Variants in RPL27A observed in about 807,000 individuals in gnomAD.
The protein encoded by RPL27A is ribosomal protein L27a.
For synonymous variants in RPL27A, 69 were observed against 68.3 expected, an observed-to-expected ratio of 1.01 and a Z score of -0.05; for missense variants, 118 against 189.4, an observed-to-expected ratio of 0.62 and a Z score of 2.21.
chr11:8,684,670 A>T, intron 3 of RPL27A, 48 bp from the exon 4 acceptor site: 1 of 1,517,442 alleles, frequency 6.6e-7, no homozygotes, highest in Non-Finnish European at 9.1e-7. Context: ...TGATAAACAT[A>T]GCATCTTAAT....
chr11:8,683,398 T>C, intron 2 of RPL27A, 133 bp downstream of exon 2: 1 of 721,170 alleles, frequency 1.4e-6, no homozygotes, highest in Non-Finnish European at 2.4e-6. Flanking sequence ...TTGATTTTTT[T>C]CTGACGATCC....
In RPL27A at chr11:8,689,129, G is replaced by C. The variant is rs75005003; in HGVS notation, c.*3323G>C. ...GCAGATAACTCCCCTGGAGAGGCGGGATGTTCAACTCCACCCCTGGTCCTT... is the reference window on the plus strand; with the variant it reads ...GCAGATAACTCCCCTGGAGAGGCGGCATGTTCAACTCCACCCCTGGTCCTT... On this transcript the variant is annotated 3_prime_UTR_variant, in exon 5 of 5. Coordinates refer to ENST00000314138, the MANE Select transcript of RPL27A (RefSeq NM_000990.5). 1.3e-5 allele frequency: 2 copies of C among 152,392 alleles called. No homozygotes were observed. The highest frequency in any genetic ancestry group is 1.3e-4 in the Admixed American group (2 of 15,306). 9.4% of individuals were successfully genotyped at this position (152,392 alleles called of 1,614,324 possible).
In RPL27A at chr11:8,689,802, T is replaced by G. The variant is rs543499117; in HGVS notation, c.*3996T>G. 1 of 152,354 alleles carries G rather than the reference T, an allele frequency of 6.6e-6. No homozygotes were observed. The highest frequency in any genetic ancestry group is 1.9e-4 in the East Asian group (1 of 5,192). The allele number at this position is 152,354 out of a possible 1,614,324, so 9.4% of individuals were successfully genotyped here. Reference sequence around the variant, plus strand: ...AAATAACCTAGTTTGTGTATCCCTGTAAGTCATTTTGGTATAAAGTAGGTT... The same window carrying G: ...AAATAACCTAGTTTGTGTATCCCTGGAAGTCATTTTGGTATAAAGTAGGTT... On this transcript the variant is annotated 3_prime_UTR_variant, in exon 5 of 5. Transcript: ENST00000314138.
intron 3 of RPL27A, 114 bp from the exon 4 acceptor site, chr11:8,684,604 A>T: frequency 1.1e-6 from 1 of 879,414 alleles, no homozygotes. Flanking sequence ...TATGCCTGAC[A>T]CTGCTCTACA....
At chr11:8,684,157 GT>G in intron 3 of RPL27A, 76 bp downstream of exon 3, 1 of 1,231,782 alleles carries the variant, frequency 8.1e-7, no homozygotes, top group Non-Finnish European at 1.2e-6. Flanking sequence ...TAAACAAAAA[GT>G]TTAGAAGCAA....
At chr11:8,685,438 T>C (rs1377897423) in intron 4 of RPL27A, 1 of 676,684 alleles carries the variant, frequency 1.5e-6, no homozygotes, top group Non-Finnish European at 2.8e-6. Context: ...GCTTATGCTT[T>C]GCCGAGACTA....
At chr11:8,684,393 AT>A (rs1178193563) in intron 3 of RPL27A, 1 of 718,062 alleles carries the variant, frequency 1.4e-6, no homozygotes, top group East Asian at 2.7e-5. Context: ...TGGATGATAA[AT>A]TTTGGCTATT....
chr11:8,683,026 C>A, intron 1 of RPL27A, 176 bp from the exon 2 acceptor site: 1 of 842,084 alleles, frequency 1.2e-6, no homozygotes, highest in Non-Finnish European at 1.9e-6. Flanking sequence ...GACACGCGGG[C>A]CCCTGCGCTA....
chr11:8,682,972 G>A, intron 1 of RPL27A, 156 bp downstream of exon 1: 2 of 1,067,194 alleles, frequency 1.9e-6, no homozygotes, highest in Non-Finnish European at 1.4e-6. Context: ...GCCCGGGGCG[G>A]GGCTCCCGGA....
At position 8,687,389 on chromosome 11, in the gene RPL27A, T is replaced by TCCTCCC. The variant is rs760354952; in HGVS notation, c.*1585_*1586insTCCCCC. On this transcript the variant is annotated 3_prime_UTR_variant, in exon 5 of 5. Transcript: ENST00000314138. ...CTTGGGCAACAAGAGTGAAACTCTG[T>TCCTCCC]CCACCCCCCCCAAAAAAAGTAAGGG... is the stretch of plus-strand genomic sequence containing the variant. 9.9e-6 allele frequency: 1 copy of TCCTCCC among 100,804 alleles called. No individual in the cohort carries two copies. Among genetic ancestry groups the TCCTCCC allele is most frequent in the African/African-American group, 3.3e-5 (1 of 30,364 alleles). The allele number at this position is 100,804 out of a possible 1,614,324, so 6.2% of individuals were successfully genotyped here. A position where few individuals can be genotyped will look rare whatever the true frequency, so the allele number is the denominator to read the frequency against.
At chr11:8,684,562 T>A in intron 3 of RPL27A, 156 bp from the exon 4 acceptor site, 1 of 709,378 alleles carries the variant, frequency 1.4e-6, no homozygotes, top group Non-Finnish European at 2.4e-6. Context: ...TGGTGGTTTT[T>A]AAAACAGTTG....
intron 1 of RPL27A, 142 bp downstream of exon 1, chr11:8,682,958 G>A: frequency 8.4e-7 from 1 of 1,191,834 alleles, no homozygotes; most frequent in Admixed American, 2.5e-5. Flanking sequence ...GGTGGCCGGC[G>A]CGGGCCCGGG....
intron 3 of RPL27A, chr11:8,684,505 A>G: frequency 1.5e-6 from 1 of 673,278 alleles, no homozygotes; most frequent in Non-Finnish European, 2.7e-6. Context: ...TCGGTGGTTT[A>G]TCCTGGTTCC....
At chr11:8,684,943 T>G (rs1353390562) in intron 4 of RPL27A, 51 bp downstream of exon 4, 12 of 1,537,908 alleles carry the variant, frequency 7.8e-6, no homozygotes, top group Non-Finnish European at 1.1e-5. Flanking sequence ...CTTACAAAAC[T>G]CTGGCTTAAT....
rs2039594195 is a variant in RPL27A at position 8,687,192 on chromosome 11, G to A, written c.*1386G>A. 6.6e-6 allele frequency: 1 copy of A among 152,230 alleles called. No homozygotes were observed. The highest frequency in any genetic ancestry group is 6.5e-5 in the Admixed American group (1 of 15,284). 9.4% of individuals were successfully genotyped at this position (152,230 alleles called of 1,614,324 possible). ...TGTGCTGGAGAAGTTAGAAATAAGG[G>A]CTCTCCAGACCAGCCTGACCAACCT... On this transcript the variant is annotated 3_prime_UTR_variant, in exon 5 of 5. Transcript: ENST00000314138.
intron 1 of RPL27A, 58 bp downstream of exon 1, chr11:8,682,874 T>G: frequency 5.7e-6 from 9 of 1,570,088 alleles, no homozygotes; most frequent in Non-Finnish European, 7.8e-6. Context: ...TAAGCTGTAT[T>G]CCCATTGCCC....
rs752317906 is a variant in RPL27A, at chr11:8,684,839, A to C, written c.265A>C (p.Asn89His). Reference protein sequence around the residue: ...WTLVSEQTRVNAAKNKTGAAP... With the variant: ...WTLVSEQTRVHAAKNKTGAAP... ...TTTGGTCAGTGAACAGACACGGGTG[A>C]ATGCTGCTAAAAACAAGACTGGGGC... Residue 89 changes from asparagine to histidine, a missense_variant, in exon 4 of 5, where the codon AAT becomes CAT. Transcript: ENST00000314138. 1.9e-6 allele frequency: 3 copies of C among 1,614,086 alleles called. No homozygotes were observed. The highest frequency in any genetic ancestry group is 1.1e-5 in the South Asian group (1 of 91,076).
At position 8,684,847 on chromosome 11, in the gene RPL27A, T is replaced by A; in HGVS notation, c.273T>A (p.Ala91=). The change falls in exon 4 of 5, where the codon GCT becomes GCA. Residue 91 remains alanine, a synonymous_variant. Coordinates refer to ENST00000314138, the MANE Select transcript of RPL27A (RefSeq NM_000990.5). Reference sequence around the variant, plus strand: ...GTGAACAGACACGGGTGAATGCTGCTAAAAACAAGACTGGGGCTGCTCCCA... The same window carrying A: ...GTGAACAGACACGGGTGAATGCTGCAAAAAACAAGACTGGGGCTGCTCCCA... ...LVSEQTRVNA[A]KNKTGAAPII... 1 of 1,614,130 alleles carries A rather than the reference T, an allele frequency of 6.2e-7. No homozygotes were observed.
chr11:8,685,842 C>T lies in RPL27A; in HGVS notation c.*36C>T. 2 of 1,609,084 alleles carry T rather than the reference C, an allele frequency of 1.2e-6. No homozygotes were observed. Among genetic ancestry groups the T allele is most frequent in the South Asian group, 2.2e-5 (2 of 90,988 alleles). On this transcript the variant is annotated 3_prime_UTR_variant, in exon 5 of 5. Transcript: ENST00000314138. ...AGGGAGTTTCATTAAATGCTAACTA[C>T]TTTTTCCTTGTGGTGTGAGTGTAGG...
Sources: gnomAD v4.1 joint callset for allele counts on GRCh38, gnomAD v4.1.1 for gene constraint, MANE v1.5 for transcripts, NCBI Gene and HGNC (gene_info 2026-07-23, HGNC 2026-07-21) for gene names.